SPATA6L: variants seen among roughly 807,000 people sequenced by gnomAD.
The protein encoded by SPATA6L is spermatogenesis associated 6-like protein.
In SPATA6L, 68 loss-of-function variants were observed where a neutral mutation model predicts 49.2. The observed-to-expected ratio is 1.38, with a 90% CI of 1.14 to 1.69. SPATA6L has a LOEUF of 1.69. Among genes scored for constraint, SPATA6L ranks in the 40% most tolerant of loss-of-function variants. The pLI is 0.00. For synonymous variants in SPATA6L, 198 were observed against 165.7 expected, an observed-to-expected ratio of 1.19 and a Z score of -1.50; for missense variants, 668 against 464.3, an observed-to-expected ratio of 1.44 and a Z score of -4.03.
Position 4,656,087 on chromosome 9 carries a change from T to TA in SPATA6L, c.179dup (p.Phe61IlefsTer2), listed in dbSNP as rs781446499. 6.2e-7 allele frequency: 1 copy of TA among 1,612,196 alleles called. No individual in the cohort carries two copies. Among genetic ancestry groups the TA allele is most frequent in the African/African-American group, 1.3e-5 (1 of 74,836 alleles). On this transcript the variant is annotated frameshift_variant and splice_region_variant, in exon 3 of 12. Coordinates refer to ENST00000682582, the MANE Select transcript of SPATA6L (RefSeq NM_001353486.2). LOFTEE classifies it high-confidence loss of function. ...CTCCAGGATCTACTGCACTTTCAAA[T>TA]ACCTGCAGAGAAAAATGGGGAAAAT... is the stretch of plus-strand genomic sequence containing the variant.
chr9:4,659,438 A>G (rs1839085720), intron 2 of SPATA6L, among the ~76,000 whole-genome samples: 1 of 151,400 alleles, frequency 6.6e-6, no homozygotes, highest in South Asian at 2.1e-4. Flanking sequence ...TGCTTCAAAG[A>G]GAATAAAATA....
At chr9:4,622,362 T>G (rs1175182760) in intron 7 of SPATA6L, 46 bp downstream of exon 7, 16 of 1,169,622 alleles carry the variant, frequency 1.4e-5, no homozygotes, top group Non-Finnish European at 2.1e-5. Context: ...CAGGACGCAT[T>G]TGTTGCCATA....
chr9:4,662,740 G>C lies in SPATA6L; in HGVS notation c.40-704C>G, dbSNP rs755269993. 2.3e-5 allele frequency: 37 copies of C among 1,603,322 alleles called. No homozygotes were observed. The highest frequency in any genetic ancestry group is 5.0e-5 in the Admixed American group (3 of 60,028). ...TCCAAGAAGCTGGGGGTGTGCGCGG[G>C]AGAGAGCTCGTCGTGGGGCAGCGTG... On this transcript the variant is annotated intron_variant, in intron 1 of 11. Coordinates refer to ENST00000682582, the MANE Select transcript of SPATA6L (RefSeq NM_001353486.2). The surrounding 1 kb of genome is among the most constrained non-coding windows in gnomAD (Gnocchi z 4.9).
At chr9:4,652,601 G>A (rs1837166993) in intron 3 of SPATA6L, among the ~76,000 whole-genome samples, 1 of 152,018 alleles carries the variant, frequency 6.6e-6, no homozygotes, top group South Asian at 2.1e-4. Flanking sequence ...TGTAATCCCA[G>A]CATTTTGGGA....
rs558463328 is a variant in SPATA6L at position 4,644,429 on chromosome 9, G to A, written c.227-9030C>T. On this transcript the variant is annotated intron_variant, in intron 3 of 11. Transcript: ENST00000682582. ...CATACAAGGGGGAAAGCTAATAACAGAAAAAAAACTATGCTATGTAAAAAT... is the reference window on the plus strand; with the variant it reads ...CATACAAGGGGGAAAGCTAATAACAAAAAAAAAACTATGCTATGTAAAAAT... 4.0e-5 allele frequency among the ~76,000 whole-genome samples: 6 copies of A among 151,160 alleles called. No homozygotes were observed. The South Asian group carries it at 1.3e-3, about 32-fold the overall frequency.
chr9:4,656,036 C>T lies in SPATA6L; in HGVS notation c.226+5G>A, dbSNP rs1177400952. ...GTTTTTTGTTTTGTTTTTCAGAGTA[C>T]CTACTTTCCAAAAGGTCTACTACAG... On this transcript the variant is annotated splice_donor_5th_base_variant and intron_variant, in intron 3 of 11. Transcript: ENST00000682582. 3.1e-6 allele frequency: 5 copies of T among 1,610,146 alleles called. No individual in the cohort carries two copies. The highest frequency in any genetic ancestry group is 1.3e-5 in the African/African-American group (1 of 74,780).
At chr9:4,603,450 C>A (rs941322320) in intron 11 of SPATA6L, among the ~76,000 whole-genome samples, 2 of 152,060 alleles carry the variant, frequency 1.3e-5, no homozygotes, top group Non-Finnish European at 2.9e-5. Flanking sequence ...ACAAAAAAAA[C>A]CCTCTTTACT....
rs558763272 is a variant in SPATA6L at position 4,652,823 on chromosome 9, A to G, written c.226+3218T>C. ...ACGATTGCACTCCAGCCTAGGCAAC[A>G]AGAGTGAAATTCCGTCCCAAAAAAA... On this transcript the variant is annotated intron_variant, in intron 3 of 11. Transcript: ENST00000682582. 2.4e-3 allele frequency among the ~76,000 whole-genome samples: 363 copies of G among 151,002 alleles called. 4 individuals carry two copies. Among genetic ancestry groups the G allele is most frequent in the African/African-American group, 8.6e-3 (350 of 40,910 alleles).
chr9:4,644,434 A>G (rs1834826515), intron 3 of SPATA6L, among the ~76,000 whole-genome samples: 2 of 151,972 alleles, frequency 1.3e-5, no homozygotes, highest in African/African-American at 4.8e-5. Context: ...TAACAGAAAA[A>G]AAACTATGCT....
chr9:4,648,778 G>A (rs927555197), intron 3 of SPATA6L, among the ~76,000 whole-genome samples: 6 of 151,928 alleles, frequency 3.9e-5, no homozygotes, highest in Admixed American at 2.0e-4. Context: ...CCCATCACCC[G>A]AGCAGTACAC....
intron 9 of SPATA6L, 35 bp downstream of exon 9, chr9:4,617,888 C>T (rs1421639626): frequency 2.6e-6 from 4 of 1,543,938 alleles, no homozygotes; most frequent in Admixed American, 1.8e-5. Flanking sequence ...CCACAATGCA[C>T]TCGTCAGGCA....
Position 4,662,813 on chromosome 9 carries a change from G to A in SPATA6L, c.40-777C>T, listed in dbSNP as rs1011526988. ...AGATCTCGGGACACGGCATCCCCTG[G>A]CTGCTGGGCACCCTCTACTGCCTGT... On this transcript the variant is annotated intron_variant, in intron 1 of 11. Transcript: ENST00000682582. The surrounding 1 kb of genome is among the most constrained non-coding windows in gnomAD (Gnocchi z 4.9). 6.2e-7 allele frequency: 1 copy of A among 1,605,088 alleles called. No homozygotes were observed.
chr9:4,607,208 G>C (rs1825491446), intron 9 of SPATA6L, among the ~76,000 whole-genome samples: 1 of 151,432 alleles, frequency 6.6e-6, no homozygotes. Context: ...GAACCAAGTT[G>C]GAAAACACTC....
intron 11 of SPATA6L, among the ~76,000 whole-genome samples, chr9:4,603,059 C>T (rs1224514423): frequency 6.6e-6 from 1 of 152,232 alleles, no homozygotes; most frequent in African/African-American, 2.4e-5. Context: ...TGGCTAACTA[C>T]TTGCCACAGA....
intron 5 of SPATA6L, chr9:4,628,779 T>C (rs1403103126): frequency 4.5e-6 from 1 of 222,370 alleles, no homozygotes; most frequent in Non-Finnish European, 8.7e-6. Flanking sequence ...GTTCATAAGA[T>C]CACAAGTAAA....
At chr9:4,664,144 G>GGGAAAGTTAGAGGAAC (rs1387317760) in intron 1 of SPATA6L, 1 of 167,104 alleles carries the variant, frequency 6.0e-6, no homozygotes, top group African/African-American at 2.4e-5. Flanking sequence ...TAAGTTGCTG[G>GGGAAAGTTAGAGGAAC]GGAAAGTTAG....
At position 4,605,348 on chromosome 9, in the gene SPATA6L, T is replaced by G; in HGVS notation, c.1088A>C (p.Lys363Thr). The change falls in exon 10 of 12, where the codon AAG (lysine) becomes ACG (threonine). Residue 363 changes from lysine (K) to threonine (T), a missense_variant and splice_region_variant. Lys to Thr is a moderately conservative substitution (Grantham distance 78, BLOSUM62 -1). Transcript: ENST00000682582. ...TSHRAQLHQN[K>T]EDSTSEVNYI... ...TCTAGTTTTATAAGAAAGTCTAACC[T>G]TGTTTTGGTGCAGCTGTGCTCTGTG... 6.2e-7 allele frequency: 1 copy of G among 1,612,764 alleles called. No homozygotes were observed.
chr9:4,657,358 C>T (rs1303045117), intron 2 of SPATA6L, among the ~76,000 whole-genome samples: 1 of 151,846 alleles, frequency 6.6e-6, no homozygotes, highest in African/African-American at 2.4e-5. Context: ...TTGTGTCCCC[C>T]CAAAAATTCA....
chr9:4,598,136 G>A (rs1485938843), downstream of SPATA6L, among the ~76,000 whole-genome samples: 3 of 152,028 alleles, frequency 2.0e-5, no homozygotes, highest in Admixed American at 1.3e-4. Flanking sequence ...CAGAGAACTG[G>A]CCTCATTGTA....
Sources: gnomAD v4.1 joint callset for allele counts (sites outside exome capture counted in the v4.1 genomes callset) on GRCh38, gnomAD v4.1.1 for gene constraint, Gnocchi (gnomAD v3.1) non-coding constraint, MANE v1.5 for transcripts, NCBI Gene and HGNC (gene_info 2026-07-23, HGNC 2026-07-21) for gene names.